NXPE2: variants seen among roughly 807,000 people sequenced by gnomAD.
NXPE2 encodes NXPE family member 2.
A neutral mutation model predicts 34.4 loss-of-function variants in NXPE2; 34 were observed. The observed-to-expected ratio is 0.99, with a 90% CI of 0.75 to 1.31. The LOEUF (loss-of-function observed/expected upper bound fraction) is 1.31. Among genes scored for constraint, NXPE2 ranks in the 40% most tolerant of loss-of-function variants. The pLI is 0.00. For synonymous variants in NXPE2, 235 were observed against 231.3 expected, an observed-to-expected ratio of 1.02 and a Z score of -0.15; for missense variants, 649 against 672.5, an observed-to-expected ratio of 0.97 and a Z score of 0.39.
At chr11:114,484,641 C>T in the NXPE2 span, among the ~76,000 whole-genome samples, 2 of 152,146 alleles carry the variant, frequency 1.3e-5, no homozygotes, top group Admixed American at 6.6e-5. Context: ...TTAGCTTTCA[C>T]GTCTTTTCTG....
chr11:114,540,465 A>G, the NXPE2 span, among the ~76,000 whole-genome samples: 3 of 152,342 alleles, frequency 2.0e-5, no homozygotes, highest in Admixed American at 6.5e-5. Context: ...TAGTCCACAT[A>G]TATACATAAA....
chr11:114,605,570 T>TGGATAATAA, the NXPE2 span, among the ~76,000 whole-genome samples: 1 of 151,590 alleles, frequency 6.6e-6, no homozygotes, highest in Non-Finnish European at 1.5e-5. Flanking sequence ...TGTTACCCGG[T>TGGATAATAA]GGATAATAAG....
chr11:114,541,302 G>A, the NXPE2 span, among the ~76,000 whole-genome samples: 1 of 152,154 alleles, frequency 6.6e-6, no homozygotes, highest in South Asian at 2.1e-4. Context: ...AGCCAACCCT[G>A]AGATAACATA....
the NXPE2 span, among the ~76,000 whole-genome samples, chr11:114,741,459 G>A: frequency 6.6e-6 from 1 of 151,780 alleles, no homozygotes; most frequent in African/African-American, 2.4e-5. Context: ...GCTAATGTGA[G>A]CTCTCTTGGT....
intron 2 of NXPE2, among the ~76,000 whole-genome samples, chr11:114,690,378 T>C (rs1190026115): frequency 6.6e-6 from 1 of 152,176 alleles, no homozygotes. Flanking sequence ...AGATATGAAA[T>C]TCTTGGCTAG....
the NXPE2 span, among the ~76,000 whole-genome samples, chr11:114,568,222 A>G: frequency 0.024 from 3,702 of 152,300 alleles, 60 homozygotes; most frequent in Non-Finnish European, 0.038. Context: ...TCTGGGTCAC[A>G]TTCAAATTTT....
chr11:114,654,263 A>G, the NXPE2 span, among the ~76,000 whole-genome samples: 1 of 151,842 alleles, frequency 6.6e-6, no homozygotes. Flanking sequence ...AATGAAACAG[A>G]GCTGTGTTAA....
chr11:114,636,363 T>A, the NXPE2 span, among the ~76,000 whole-genome samples: 1 of 152,086 alleles, frequency 6.6e-6, no homozygotes, highest in Non-Finnish European at 1.5e-5. Context: ...TTTTTTTCTT[T>A]ATTAGTCTGC....
At chr11:114,735,488 T>A in the NXPE2 span, among the ~76,000 whole-genome samples, 2 of 152,190 alleles carry the variant, frequency 1.3e-5, no homozygotes, top group Non-Finnish European at 2.9e-5. Flanking sequence ...AGTTGTCTCA[T>A]TTGCAAAATG....
At chr11:114,671,993 T>G in the NXPE2 span, among the ~76,000 whole-genome samples, 1 of 152,022 alleles carries the variant, frequency 6.6e-6, no homozygotes, top group African/African-American at 2.4e-5. Context: ...CTCAGAAAAC[T>G]TACAATCATG....
the NXPE2 span, chr11:114,580,337 T>C: frequency 4.3e-6 from 7 of 1,613,688 alleles, no homozygotes; most frequent in Non-Finnish European, 5.9e-6. Flanking sequence ...CAACTGTTTC[T>C]TCTGCCAAAG....
At chr11:114,751,675 C>T in the NXPE2 span, among the ~76,000 whole-genome samples, 3 of 152,082 alleles carry the variant, frequency 2.0e-5, no homozygotes, top group Non-Finnish European at 4.4e-5. Context: ...TGAATAATGA[C>T]CCCCCAAAAT....
chr11:114,617,422 C>CCAAT, the NXPE2 span, among the ~76,000 whole-genome samples: 1 of 152,018 alleles, frequency 6.6e-6, no homozygotes, highest in Non-Finnish European at 1.5e-5. Flanking sequence ...CCACTGTTAC[C>CCAAT]GGGTGGATAA....
the NXPE2 span, among the ~76,000 whole-genome samples, chr11:114,745,082 T>G: frequency 6.6e-6 from 1 of 150,728 alleles, no homozygotes; most frequent in African/African-American, 2.5e-5. Flanking sequence ...ATAAAAACAT[T>G]ATTATGCCAT....
chr11:114,732,763 T>C, the NXPE2 span, among the ~76,000 whole-genome samples: 49 of 152,282 alleles, frequency 3.2e-4, no homozygotes, highest in African/African-American at 1.1e-3. Context: ...TTTCTGTTAA[T>C]TCTCCTTTCA....
the NXPE2 span, among the ~76,000 whole-genome samples, chr11:114,615,980 C>T: frequency 2.6e-5 from 4 of 151,428 alleles, no homozygotes; most frequent in East Asian, 5.8e-4. Flanking sequence ...AGTATTCTCT[C>T]GTGGAAAAGC....
At chr11:114,490,908 AT>A in the NXPE2 span, among the ~76,000 whole-genome samples, 1 of 151,466 alleles carries the variant, frequency 6.6e-6, no homozygotes, top group South Asian at 2.1e-4. Context: ...CACGCCTGTA[AT>A]CCCAGCACTT....
At chr11:114,551,015 C>T in the NXPE2 span, 1 of 682,480 alleles carries the variant, frequency 1.5e-6, no homozygotes, top group Non-Finnish European at 2.6e-6. Context: ...GGAGGAGGGG[C>T]AGGACTAATG....
chr11:114,595,266 C>T, the NXPE2 span, among the ~76,000 whole-genome samples: 3 of 152,116 alleles, frequency 2.0e-5, no homozygotes, highest in Non-Finnish European at 4.4e-5. Flanking sequence ...CTTTCTAGCA[C>T]CCCCTCAAGC....
Sources: allele counts gnomAD v4.1 joint callset (sites outside exome capture counted in the v4.1 genomes callset), GRCh38; gene constraint gnomAD v4.1.1; transcripts MANE v1.5; gene names NCBI Gene and HGNC (gene_info 2026-07-23, HGNC 2026-07-21).